Variants in KCTD8 observed in about 807,000 individuals in gnomAD.
KCTD8 encodes the protein BTB/POZ domain-containing protein KCTD8.
KCTD8 carries 27 observed loss-of-function variants against 31.5 expected under a neutral mutation model. The observed-to-expected ratio is 0.86, with a 90% CI of 0.63 to 1.18. KCTD8 has a LOEUF of 1.18. KCTD8 is among the 50% of genes most tolerant of loss of function. The pLI is 0.00. For synonymous variants in KCTD8, 290 were observed against 280.0 expected (o/e 1.04, Z -0.36); for missense variants, 658 against 647.7 (o/e 1.02, Z -0.17).
Position 44,241,272 on chromosome 4 carries a change from A to G in KCTD8, c.962-66022T>C, listed in dbSNP as rs116355054. 4.9e-3 allele frequency among the ~76,000 whole-genome samples: 746 copies of G among 152,376 alleles called. 3 individuals are homozygous for G. The highest frequency in any genetic ancestry group is 0.018 in the African/African-American group (732 of 41,596). On this transcript the variant is annotated intron_variant, in intron 1 of 1. Transcript: ENST00000360029. The stretch of plus-strand genomic sequence containing the variant: ...TTTGAAAAAGAGATTTATCTTGTGA[A>G]TATTACAATTGTAAAAGAAAATTCG...
At chr4:44,401,479 T>C (rs1361560386) in intron 1 of KCTD8, among the ~76,000 whole-genome samples, 1 of 152,058 alleles carries the variant, frequency 6.6e-6, no homozygotes, top group Non-Finnish European at 1.5e-5. Context: ...GGAGAACATA[T>C]CACAGACTCC....
intron 1 of KCTD8, among the ~76,000 whole-genome samples, chr4:44,269,585 C>G (rs573192145): frequency 6.6e-6 from 1 of 151,972 alleles, no homozygotes; most frequent in African/African-American, 2.4e-5. Context: ...AAAGAAACTA[C>G]CATCAGAGTG....
intron 1 of KCTD8, among the ~76,000 whole-genome samples, chr4:44,276,001 T>TATTTC (rs143532682): frequency 0.029 from 4,471 of 152,120 alleles, 236 homozygotes; most frequent in African/African-American, 0.1. Flanking sequence ...TATGGTTTCT[T>TATTTC]ATTTCATGAG....
chr4:44,430,521 G>A (rs1721478221), intron 1 of KCTD8, among the ~76,000 whole-genome samples: 1 of 151,556 alleles, frequency 6.6e-6, no homozygotes, highest in African/African-American at 2.4e-5. Flanking sequence ...TGTGTACATA[G>A]CATATGGCCT....
At chr4:44,208,334 G>A (rs1467493606) in intron 1 of KCTD8, among the ~76,000 whole-genome samples, 1 of 152,088 alleles carries the variant, frequency 6.6e-6, no homozygotes, top group Non-Finnish European at 1.5e-5. Context: ...GCACTATGAA[G>A]GACCAACTAG....
chr4:44,360,958 C>T (rs1485422285), intron 1 of KCTD8, among the ~76,000 whole-genome samples: 1 of 151,970 alleles, frequency 6.6e-6, no homozygotes, highest in East Asian at 1.9e-4. Flanking sequence ...CCATCAAAAT[C>T]CATTATCATC....
intron 1 of KCTD8, among the ~76,000 whole-genome samples, chr4:44,181,928 TCCACCCGGCAGCCGCC>T (rs1713424223): frequency 6.7e-6 from 1 of 148,448 alleles, no homozygotes; most frequent in Non-Finnish European, 1.5e-5. Context: ...GAGGAGCCCC[TCCACCCGGCAGCCGCC>T]CCCTCTGAGA....
chr4:44,386,619 GAA>G (rs1177294044), intron 1 of KCTD8, among the ~76,000 whole-genome samples: 1 of 151,534 alleles, frequency 6.6e-6, no homozygotes, highest in Non-Finnish European at 1.5e-5. Context: ...AGGCTATAAA[GAA>G]AAGAGAACCC....
chr4:44,293,574 G>A, intron 1 of KCTD8: 1 of 368,430 alleles, frequency 2.7e-6, no homozygotes, highest in Admixed American at 4.0e-5. Flanking sequence ...TCAGGGAAAA[G>A]CAAATTATAT....
intron 1 of KCTD8, among the ~76,000 whole-genome samples, chr4:44,267,390 A>G (rs1716413784): frequency 6.6e-6 from 1 of 152,230 alleles, no homozygotes; most frequent in Non-Finnish European, 1.5e-5. Flanking sequence ...GACGCATTCA[A>G]GGCAGTGTGT....
chr4:44,430,917 T>G, intron 1 of KCTD8, among the ~76,000 whole-genome samples: 1 of 148,028 alleles, frequency 6.8e-6, no homozygotes, highest in South Asian at 2.1e-4. Flanking sequence ...TTTCTCTTTC[T>G]TTTTTTTTTC....
chr4:44,248,164 C>A (rs1473846643), intron 1 of KCTD8, among the ~76,000 whole-genome samples: 2 of 151,798 alleles, frequency 1.3e-5, no homozygotes, highest in Non-Finnish European at 2.9e-5. Flanking sequence ...ATATTTCCCA[C>A]CTGAACGAGT....
At chr4:44,196,817 T>C (rs1032099952) in intron 1 of KCTD8, among the ~76,000 whole-genome samples, 1 of 152,046 alleles carries the variant, frequency 6.6e-6, no homozygotes, top group Non-Finnish European at 1.5e-5. Context: ...CACACAGAGA[T>C]TTTGCAGAGG....
chr4:44,390,104 T>C (rs931498713), intron 1 of KCTD8, among the ~76,000 whole-genome samples: 1 of 152,022 alleles, frequency 6.6e-6, no homozygotes, highest in Non-Finnish European at 1.5e-5. Flanking sequence ...ACTCTGCTAA[T>C]TGTTTATTTT....
chr4:44,242,406 G>A (rs1019660344), intron 1 of KCTD8, among the ~76,000 whole-genome samples: 5 of 151,676 alleles, frequency 3.3e-5, no homozygotes, highest in African/African-American at 4.8e-5. Flanking sequence ...GTGAAATCCC[G>A]TCTCTACTAA....
chr4:44,285,911 A>G (rs927668365), intron 1 of KCTD8, among the ~76,000 whole-genome samples: 6 of 152,166 alleles, frequency 3.9e-5, no homozygotes, highest in African/African-American at 7.2e-5. Context: ...TTTGTTATTC[A>G]TGGGAGAAGA....
At chr4:44,298,867 A>G (rs1374348744) in intron 1 of KCTD8, among the ~76,000 whole-genome samples, 1 of 152,258 alleles carries the variant, frequency 6.6e-6, no homozygotes, top group Non-Finnish European at 1.5e-5. Context: ...AAATAAAGTA[A>G]CAAATGAACA....
intron 1 of KCTD8, among the ~76,000 whole-genome samples, chr4:44,400,558 G>A (rs1577655544): frequency 6.6e-6 from 1 of 151,774 alleles, no homozygotes; most frequent in East Asian, 2.0e-4. Context: ...GCGAAACCCT[G>A]CCTCAACTAA....
chr4:44,335,970 G>A (rs1718729554), intron 1 of KCTD8, among the ~76,000 whole-genome samples: 1 of 150,904 alleles, frequency 6.6e-6, no homozygotes, highest in Non-Finnish European at 1.5e-5. Flanking sequence ...CTAAAACGGT[G>A]AAACCCCGTC....
Sources: gnomAD v4.1 joint callset for allele counts (sites outside exome capture counted in the v4.1 genomes callset) on GRCh38, gnomAD v4.1.1 for gene constraint, MANE v1.5 for transcripts, NCBI Gene and HGNC (gene_info 2026-07-23, HGNC 2026-07-21) for gene names.